Variants in GALNT17 observed in about 807,000 individuals in gnomAD.
GALNT17 encodes the protein polypeptide N-acetylgalactosaminyltransferase 17, also known as UDP-GalNAc:polypeptide N-acetylgalactosaminyltransferase-like 3.
In GALNT17, 29 loss-of-function variants were observed where a neutral mutation model predicts 63.7. That is an observed-to-expected ratio of 0.46 (90% confidence interval 0.34 to 0.62). The LOEUF (loss-of-function observed/expected upper bound fraction) is 0.62. Among genes scored for constraint, GALNT17 ranks in the 20% least tolerant of loss-of-function variants. GALNT17 has a pLI of 0.01. For synonymous variants in GALNT17, 305 were observed against 318.3 expected, an observed-to-expected ratio of 0.96 and a Z score of 0.45; for missense variants, 603 against 799.6, an observed-to-expected ratio of 0.75 and a Z score of 2.97.
intron 1 of GALNT17, among the ~76,000 whole-genome samples, chr7:71,230,780 C>G (rs369437204): frequency 6.6e-6 from 1 of 152,124 alleles, no homozygotes; most frequent in Non-Finnish European, 1.5e-5. Context: ...AGATCCCCTT[C>G]GTGAGCATGC....
At chr7:71,270,253 C>T (rs1338953789) in intron 1 of GALNT17, among the ~76,000 whole-genome samples, 1 of 152,078 alleles carries the variant, frequency 6.6e-6, no homozygotes, top group Non-Finnish European at 1.5e-5. Context: ...ATCTCACTCT[C>T]CCCCCTTGTA....
intron 3 of GALNT17, among the ~76,000 whole-genome samples, chr7:71,411,301 A>G (rs1023271928): frequency 1.3e-5 from 2 of 151,924 alleles, no homozygotes; most frequent in Admixed American, 1.3e-4. Context: ...TTGTATTTTT[A>G]GTAGAGATAA....
intron 1 of GALNT17, among the ~76,000 whole-genome samples, chr7:71,331,195 T>C (rs1271908891): frequency 1.3e-5 from 2 of 152,188 alleles, no homozygotes; most frequent in East Asian, 1.9e-4. Flanking sequence ...AGTTCCTCCT[T>C]CTCTTTCAGC....
At chr7:71,179,765 T>G (rs1047616373) in intron 1 of GALNT17, among the ~76,000 whole-genome samples, 2 of 152,234 alleles carry the variant, frequency 1.3e-5, no homozygotes, top group Non-Finnish European at 2.9e-5. Flanking sequence ...GTTACAGTTC[T>G]GGATCTCAGG....
chr7:71,608,127 A>C (rs911076417), intron 6 of GALNT17, among the ~76,000 whole-genome samples: 1 of 152,326 alleles, frequency 6.6e-6, no homozygotes, highest in South Asian at 2.1e-4. Flanking sequence ...GAGCTGACAT[A>C]ATGATCACTA....
rs143178326 is a variant in GALNT17 at position 71,478,201 on chromosome 7, C to T, written c.962+57096C>T. Among the ~76,000 whole-genome samples the T allele has an allele frequency of 1.2e-3, 190 of 152,288 alleles. 1 individual carries two copies. Among genetic ancestry groups the T allele is most frequent in the Non-Finnish European group, 2.2e-3 (153 of 68,028 alleles). ...GCTGGGGGAGAAAAATAAAGGCACA[C>T]TGGCTGTGGGAACATTTATCCTTCC... On this transcript the variant is annotated intron_variant, in intron 5 of 10. Transcript: ENST00000333538.
At chr7:71,641,729 C>T (rs1249219080) in intron 6 of GALNT17, among the ~76,000 whole-genome samples, 2 of 151,918 alleles carry the variant, frequency 1.3e-5, no homozygotes, top group Non-Finnish European at 1.5e-5. Context: ...ACATTCAATC[C>T]ATTCCAGGCC....
intron 1 of GALNT17, among the ~76,000 whole-genome samples, chr7:71,173,364 A>G (rs969787126): frequency 6.6e-6 from 1 of 152,176 alleles, no homozygotes; most frequent in East Asian, 1.9e-4. Context: ...GGCTGTGCAT[A>G]TTGTGATAAG....
chr7:71,189,633 G>A (rs1434148974), intron 1 of GALNT17, among the ~76,000 whole-genome samples: 1 of 151,960 alleles, frequency 6.6e-6, no homozygotes, highest in Non-Finnish European at 1.5e-5. Context: ...TGGATGCTGT[G>A]GGTGTGGTTG....
intron 1 of GALNT17, among the ~76,000 whole-genome samples, chr7:71,321,867 TTTCCTTCC>T (rs1178713360): frequency 2.6e-3 from 122 of 46,838 alleles, no homozygotes; most frequent in African/African-American, 5.7e-3. Context: ...CCTTCCTTCC[TTTCCTTCC>T]TTCCTTCCTT....
intron 1 of GALNT17, among the ~76,000 whole-genome samples, chr7:71,185,751 C>T (rs1788839019): frequency 6.6e-6 from 1 of 152,152 alleles, no homozygotes; most frequent in Admixed American, 6.5e-5. Flanking sequence ...TCGTGATCCG[C>T]CCACCTCGGC....
intron 1 of GALNT17, among the ~76,000 whole-genome samples, chr7:71,190,064 G>A (rs533693375): frequency 1.3e-5 from 2 of 152,130 alleles, no homozygotes; most frequent in African/African-American, 2.4e-5. Flanking sequence ...GCCCACCTTG[G>A]CCTCCCAAAG....
intron 5 of GALNT17, among the ~76,000 whole-genome samples, chr7:71,447,137 A>G (rs1167825419): frequency 6.6e-6 from 1 of 152,202 alleles, no homozygotes; most frequent in Non-Finnish European, 1.5e-5. Flanking sequence ...ACCCAGAGTA[A>G]GCATTCGAAT....
chr7:71,132,886 C>T lies in GALNT17; in HGVS notation c.84C>T (p.Cys28=), dbSNP rs775419239. 2 of 1,613,046 alleles carry T rather than the reference C, an allele frequency of 1.2e-6. No homozygotes were observed. Among genetic ancestry groups the T allele is most frequent in the Non-Finnish European group, 1.7e-6 (2 of 1,179,544 alleles). The change falls in exon 1 of 11, where the codon TGC becomes TGT. Residue 28 remains cysteine (C), a synonymous_variant. Coordinates refer to ENST00000333538, the MANE Select transcript of GALNT17 (RefSeq NM_022479.3). ...GCTTCGTGCTCTTCCTGGCCAAGTG[C>T]CGGCCCATCGCGGTGCGCAGCGGAG... ...VAGFVLFLAK[C]RPIAVRSGDA...
rs1176040887 is a variant in GALNT17, at chr7:71,189,691, T to A, written c.238+56651T>A. On this transcript the variant is annotated intron_variant, in intron 1 of 10. Transcript: ENST00000333538. ...CTTCGGTGGAGGTTTGGGAGAAGAGTTGGCCTGGCTACAACTCTGCTTCAA... is the reference window on the plus strand; with the variant it reads ...CTTCGGTGGAGGTTTGGGAGAAGAGATGGCCTGGCTACAACTCTGCTTCAA... Among the ~76,000 whole-genome samples, 3 of 152,050 alleles carry A rather than the reference T, an allele frequency of 2.0e-5. No individual in the cohort carries two copies. In the South Asian group the frequency reaches 6.2e-4, roughly 32 times the overall value.
At chr7:71,177,326 CT>C (rs113883532) in intron 1 of GALNT17, among the ~76,000 whole-genome samples, 3 of 152,204 alleles carry the variant, frequency 2.0e-5, no homozygotes, top group African/African-American at 7.2e-5. Flanking sequence ...CTTAGAAAGC[CT>C]GCTCCCCGGG....
At position 71,713,584 on chromosome 7, in the gene GALNT17, A is replaced by G. The variant is rs761045072; in HGVS notation, c.*1438A>G. The G allele has an allele frequency of 6.6e-6, 1 of 152,178 alleles. No homozygotes were observed. The highest frequency in any genetic ancestry group is 1.5e-5 in the Non-Finnish European group (1 of 68,076). The allele number at this position is 152,178 out of a possible 1,614,324, so 9.4% of individuals were successfully genotyped here. On this transcript the variant is annotated 3_prime_UTR_variant, in exon 11 of 11. Coordinates refer to ENST00000333538, the MANE Select transcript of GALNT17 (RefSeq NM_022479.3). Reference sequence around the variant, plus strand: ...ATCTCCCACCTTGTGGAATAAATACATGTTAGCACTTCCCAGAGCAGCCTC... The same window carrying G: ...ATCTCCCACCTTGTGGAATAAATACGTGTTAGCACTTCCCAGAGCAGCCTC...
intron 5 of GALNT17, among the ~76,000 whole-genome samples, chr7:71,509,243 G>A (rs1316833760): frequency 3.3e-5 from 5 of 152,150 alleles, no homozygotes; most frequent in East Asian, 1.9e-4. Context: ...CCCGACAGCC[G>A]GCTAATGTAA....
intron 2 of GALNT17, among the ~76,000 whole-genome samples, chr7:71,338,713 C>G (rs1791956637): frequency 6.6e-6 from 1 of 152,178 alleles, no homozygotes; most frequent in Non-Finnish European, 1.5e-5. Flanking sequence ...TCTCCATTTT[C>G]TATTAGATTT....
Sources: allele counts gnomAD v4.1 joint callset (sites outside exome capture counted in the v4.1 genomes callset), GRCh38; gene constraint gnomAD v4.1.1; transcripts MANE v1.5; gene names NCBI Gene and HGNC (gene_info 2026-07-23, HGNC 2026-07-21).